The following MYO18A variants were observed in gnomAD, a reference collection of about 807,000 sequenced individuals.
MYO18A encodes the protein myosin XVIIIA.
In MYO18A, 78 loss-of-function variants were observed where a neutral mutation model predicts 235.8. The ratio of observed to expected loss-of-function variants is 0.33; its 90% confidence interval spans 0.28 to 0.40. MYO18A has a LOEUF of 0.40. Among genes scored for constraint, MYO18A ranks in the 10% least tolerant of loss-of-function variants. The pLI is 1.00. For missense variants in MYO18A, 2,215 were observed against 2,699.3 expected, an observed-to-expected ratio of 0.82 and a Z score of 3.98; for synonymous variants, 977 against 1,077.8, an observed-to-expected ratio of 0.91 and a Z score of 1.83.
Position 29,140,552 on chromosome 17 carries a change from C to G in MYO18A, c.1000-18299G>C. 6.3e-6 allele frequency: 3 copies of G among 478,150 alleles called. No homozygotes were observed. The highest frequency in any genetic ancestry group is 9.6e-6 in the Non-Finnish European group (3 of 311,778). 29.6% of individuals were successfully genotyped at this position (478,150 alleles called of 1,614,324 possible). ...GTATGCCAGGAGGGAGAGGGTGATACAGCAGTGTGTGTGGAAGGGAAGGAG... is the reference window on the plus strand; with the variant it reads ...GTATGCCAGGAGGGAGAGGGTGATAGAGCAGTGTGTGTGGAAGGGAAGGAG... On this transcript the variant is annotated intron_variant, in intron 2 of 41. Coordinates refer to ENST00000527372, the MANE Select transcript of MYO18A (RefSeq NM_078471.4). The surrounding 1 kb of genome is among the most constrained non-coding windows in gnomAD (Gnocchi z 4.2).
Position 29,096,813 on chromosome 17 carries a change from G to A in MYO18A, c.4333C>T (p.His1445Tyr), listed in dbSNP as rs1420548714. 1 of 1,603,942 alleles carries A rather than the reference G, an allele frequency of 6.2e-7. No homozygotes were observed. The highest frequency in any genetic ancestry group is 1.3e-5 in the African/African-American group (1 of 74,878). Residue 1445 changes from histidine to tyrosine, a missense_variant, in exon 28 of 42, where the codon CAC becomes TAC. Transcript: ENST00000527372. ...TTGCGGACCTGCTGGCCCTCCAGGT[G>A]CAGCTTGGTGTCTTGCAGCTCAGCC... ...LTAELQDTKL[H>Y]LEGQQVRNHE...
In MYO18A at chr17:29,092,423, C is replaced by T. The variant is rs751433687; in HGVS notation, c.5107G>A (p.Val1703Met). The T allele has an allele frequency of 3.1e-5, 50 of 1,612,384 alleles. No individual in the cohort carries two copies. Among genetic ancestry groups the T allele is most frequent in the Admixed American group, 8.3e-5 (5 of 59,988 alleles). The change falls in exon 34 of 42, where the codon GTG becomes ATG. Residue 1703 changes from valine (V) to methionine (M), a missense_variant. Physicochemically the swap from Val to Met is conservative, Grantham distance 21. Transcript: ENST00000527372. ...ACCTCCATTGCTTTCCGTGCTTTCA[C>T]GGCTGCCGCACAGGTGAACTCTGAC... ...EESEFTCAAA[V>M]KARKAMEVEI...
chr17:29,086,312 AG>A, intron 39 of MYO18A, 125 bp downstream of exon 39: 5 of 1,064,250 alleles, frequency 4.7e-6, no homozygotes, highest in Non-Finnish European at 6.8e-6. Context: ...CAGTAAAGGG[AG>A]GGTGGGTTGG....
chr17:29,094,717 T>A lies in MYO18A; in HGVS notation c.4643A>T (p.Glu1548Val). Residue 1548 changes from glutamate (E) to valine (V), a missense_variant, in exon 30 of 42, where the codon GAG (glutamate) becomes GTG (valine). Transcript: ENST00000527372. ...AKVKKQLRDL[E>V]AKVKDQEEEL... ...TTCTTCCTGATCCTTGACTTTGGCC[T>A]CCAGGTCCCGGAGCTGTTTCTTGAC... 1.2e-6 allele frequency: 2 copies of A among 1,614,026 alleles called. No individual in the cohort carries two copies. Among genetic ancestry groups the A allele is most frequent in the Non-Finnish European group, 1.7e-6 (2 of 1,179,896 alleles).
At chr17:29,130,517 CA>C (rs1363982473) in intron 2 of MYO18A, among the ~76,000 whole-genome samples, 1 of 126,574 alleles carries the variant, frequency 7.9e-6, no homozygotes, top group Non-Finnish European at 1.7e-5. Context: ...CACACACACA[CA>C]CACACACACA....
Position 29,145,880 on chromosome 17 carries a change from T to C in MYO18A, c.999+20062A>G, listed in dbSNP as rs78240600. On this transcript the variant is annotated intron_variant, in intron 2 of 41. Coordinates refer to ENST00000527372, the MANE Select transcript of MYO18A (RefSeq NM_078471.4). ...AGACAGCTTACAGACAGCTTGGAGC[T>C]AGGCCAATGAAAGAGAGAAATGTTA... 9.0e-4 allele frequency among the ~76,000 whole-genome samples: 137 copies of C among 152,320 alleles called. 2 individuals carry two copies. In the East Asian group the frequency reaches 0.021, roughly 24 times the overall value.
At chr17:29,081,593 G>A (rs2066124597) in intron 41 of MYO18A, among the ~76,000 whole-genome samples, 1 of 143,704 alleles carries the variant, frequency 7.0e-6, no homozygotes, top group Non-Finnish European at 1.5e-5. Flanking sequence ...TGATCAGGGG[G>A]TTGGGATTCT....
chr17:29,085,705 T>G (rs1411680561), intron 39 of MYO18A, 57 bp from the exon 40 acceptor site: 1 of 1,586,394 alleles, frequency 6.3e-7, no homozygotes, highest in African/African-American at 1.3e-5. Context: ...ATGAAATCAA[T>G]CGGCAACCCA....
rs1193228106 is a variant in MYO18A at position 29,093,017 on chromosome 17, C to A, written c.4927-16G>T. ...GCCGGTTCACCTGGGTGGGCACCAG[C>A]AGTTGGGGTTCTGGGCTCTGCACAG... On this transcript the variant is annotated splice_polypyrimidine_tract_variant and intron_variant, in intron 32 of 41. Transcript: ENST00000527372. 6.2e-7 allele frequency: 1 copy of A among 1,611,232 alleles called. No homozygotes were observed.
chr17:29,135,880 T>C (rs924758550), intron 2 of MYO18A, among the ~76,000 whole-genome samples: 3 of 152,254 alleles, frequency 2.0e-5, no homozygotes, highest in Non-Finnish European at 4.4e-5. Context: ...AGAGACCCCA[T>C]TGTCCATTGC....
rs2066448310 is a variant in MYO18A, at chr17:29,093,443, G to A, written c.4822-16C>T. On this transcript the variant is annotated splice_polypyrimidine_tract_variant and intron_variant, in intron 31 of 41. Transcript: ENST00000527372. ...TCTGTTTTAACTGGAGTACCATGGG[G>A]ACAGAGACCCGTCCGTCCCTTTAGT... is the stretch of plus-strand genomic sequence containing the variant. 1.3e-6 allele frequency: 2 copies of A among 1,596,084 alleles called. No individual in the cohort carries two copies. The highest frequency in any genetic ancestry group is 1.7e-5 in the Admixed American group (1 of 59,852).
chr17:29,083,522 G>GCACACACA (rs1555622320), intron 40 of MYO18A, among the ~76,000 whole-genome samples: 5,211 of 124,926 alleles, frequency 0.042, 276 homozygotes, highest in East Asian at 0.081. Flanking sequence ...AGGCATGTGT[G>GCACACACA]CGCGCGCGCG....
chr17:29,091,874 G>A (rs779254711), intron 34 of MYO18A: 5 of 323,968 alleles, frequency 1.5e-5, no homozygotes, highest in Non-Finnish European at 3.1e-5. Context: ...TGGATGGGCC[G>A]TGGGAGAGGT....
rs2066810089 is a variant in MYO18A at position 29,107,193 on chromosome 17, G to A, written c.3332-4C>T. The A allele has an allele frequency of 1.9e-6, 3 of 1,613,786 alleles. No homozygotes were observed. The Admixed American group carries it at 5.0e-5, about 27-fold the overall frequency. Reference sequence around the variant, plus strand: ...AACACCATGTGGTCAGGGTAACCTAGAGAGAGCAGCCCAGAGCCAGGCCTG... The same window carrying A: ...AACACCATGTGGTCAGGGTAACCTAAAGAGAGCAGCCCAGAGCCAGGCCTG... On this transcript the variant is annotated splice_region_variant and splice_polypyrimidine_tract_variant and intron_variant, in intron 19 of 41. Transcript: ENST00000527372.
intron 15 of MYO18A, 83 bp downstream of exon 15, chr17:29,113,928 C>T (rs1033780204): frequency 3.5e-6 from 4 of 1,139,048 alleles, no homozygotes; most frequent in African/African-American, 3.1e-5. Flanking sequence ...CCAGCAGCAG[C>T]TCAGATGGGG....
In MYO18A at chr17:29,099,631, C is replaced by T. The variant is rs181076520; in HGVS notation, c.3636+3G>A. ...AGGGGGAGGGATGTCTCTAGAGCAG[C>T]ACCTTTCTCTTCTTGAAGTGCTGGC... On this transcript the variant is annotated splice_donor_region_variant and intron_variant, in intron 22 of 41. Coordinates refer to ENST00000527372, the MANE Select transcript of MYO18A (RefSeq NM_078471.4). 76 of 1,613,024 alleles carry T rather than the reference C, an allele frequency of 4.7e-5. 1 individual carries two copies. In the East Asian group the frequency reaches 1.2e-3, roughly 25 times the overall value.
At chr17:29,092,321 C>T (rs762367536) in intron 34 of MYO18A, 22 bp downstream of exon 34, 5 of 1,589,042 alleles carry the variant, frequency 3.1e-6, no homozygotes, top group Non-Finnish European at 4.3e-6. Context: ...CGAGCTCTGC[C>T]CCGGGCACCT....
At chr17:29,116,563 TGAG>T (rs1293522530) in intron 10 of MYO18A, 108 bp from the exon 11 acceptor site, 2 of 1,292,382 alleles carry the variant, frequency 1.5e-6, no homozygotes, top group Non-Finnish European at 2.2e-6. Context: ...GGGGGTGTTG[TGAG>T]GATGAGTAGG....
intron 27 of MYO18A, 39 bp downstream of exon 27, chr17:29,097,184 C>T: frequency 1.9e-6 from 3 of 1,599,716 alleles, no homozygotes; most frequent in Non-Finnish European, 2.5e-6. Context: ...CCTCTCCTGG[C>T]CCTCCCAGGC....
Sources: gnomAD v4.1 joint callset for allele counts (sites outside exome capture counted in the v4.1 genomes callset) on GRCh38, gnomAD v4.1.1 for gene constraint, Gnocchi (gnomAD v3.1) non-coding constraint, MANE v1.5 for transcripts, NCBI Gene and HGNC (gene_info 2026-07-23, HGNC 2026-07-21) for gene names.